The following TP53INP1 variants were observed in gnomAD, a reference collection of about 807,000 sequenced individuals.
TP53INP1 encodes tumor protein p53 inducible nuclear protein 1, also known as tumor protein p53-inducible nuclear protein 1.
A neutral mutation model predicts 21.0 loss-of-function variants in TP53INP1; 12 were observed. That is an observed-to-expected ratio of 0.57 (90% CI 0.37 to 0.93). TP53INP1 has a LOEUF of 0.93. Ranked by LOEUF, TP53INP1 falls within the 40% of genes least tolerant of loss-of-function variation. The pLI is 0.01. For missense variants in TP53INP1, 274 were observed against 294.7 expected (o/e 0.93, Z 0.51); for synonymous variants, 91 against 94.8 (o/e 0.96, Z 0.23).
chr8:94,933,996 G>C (rs1820715335), intron 3 of TP53INP1, among the ~76,000 whole-genome samples: 1 of 151,726 alleles, frequency 6.6e-6, no homozygotes, highest in South Asian at 2.1e-4. Flanking sequence ...AGAATTGCTT[G>C]AACCCGGGAG....
chr8:94,939,799 A>G, intron 3 of TP53INP1, 61 bp downstream of exon 3: 1 of 1,563,066 alleles, frequency 6.4e-7, no homozygotes, highest in Non-Finnish European at 8.7e-7. Flanking sequence ...TTTGAATTAC[A>G]GTAGAGACAA....
chr8:94,930,186 G>T lies in TP53INP1; in HGVS notation c.*293C>A. 1 of 301,072 alleles carries T rather than the reference G, an allele frequency of 3.3e-6. No individual in the cohort carries two copies. Among genetic ancestry groups the T allele is most frequent in the Non-Finnish European group, 6.1e-6 (1 of 162,926 alleles). 18.7% of individuals were successfully genotyped at this position (301,072 alleles called of 1,614,324 possible). A position where few individuals can be genotyped will look rare whatever the true frequency, so the allele number is the denominator to read the frequency against. Reference sequence around the variant, plus strand: ...TGGGAAGAAATGTCTTTAAAATGCTGACTAATGTATAACCTAATATATTTA... The same window carrying T: ...TGGGAAGAAATGTCTTTAAAATGCTTACTAATGTATAACCTAATATATTTA... On this transcript the variant is annotated 3_prime_UTR_variant, in exon 4 of 4. Coordinates refer to ENST00000342697, the MANE Select transcript of TP53INP1 (RefSeq NM_033285.4).
rs966976736 is a variant in TP53INP1, at chr8:94,930,190, A to T, written c.*289T>A. The T allele has an allele frequency of 2.3e-5, 7 of 310,428 alleles. No individual in the cohort carries two copies. The Admixed American group carries it at 2.8e-4, about 12-fold the overall frequency. The allele number at this position is 310,428 out of a possible 1,614,324, so 19.2% of individuals were successfully genotyped here. A position where few individuals can be genotyped will look rare whatever the true frequency, so the allele number is the denominator to read the frequency against. On this transcript the variant is annotated 3_prime_UTR_variant, in exon 4 of 4. Coordinates refer to ENST00000342697, the MANE Select transcript of TP53INP1 (RefSeq NM_033285.4). Reference sequence around the variant, plus strand: ...AAGAAATGTCTTTAAAATGCTGACTAATGTATAACCTAATATATTTAAAGA... The same window carrying T: ...AAGAAATGTCTTTAAAATGCTGACTTATGTATAACCTAATATATTTAAAGA...
chr8:94,943,645 G>T (rs568841391), intron 1 of TP53INP1, among the ~76,000 whole-genome samples: 1 of 152,200 alleles, frequency 6.6e-6, no homozygotes, highest in South Asian at 2.1e-4. Flanking sequence ...AAGTAGTTGG[G>T]ATCTGTAGCT....
At chr8:94,933,658 G>A (rs1009738169) in intron 3 of TP53INP1, among the ~76,000 whole-genome samples, 3 of 151,968 alleles carry the variant, frequency 2.0e-5, no homozygotes, top group East Asian at 1.9e-4. Flanking sequence ...CCAGCTAATC[G>A]GGAGGCTGAG....
rs1309664087 is a variant in TP53INP1 at position 94,930,418 on chromosome 8, T to TA, written c.*60dup. 23 of 1,599,780 alleles carry TA rather than the reference T, an allele frequency of 1.4e-5. No homozygotes were observed. Among genetic ancestry groups the TA allele is most frequent in the Non-Finnish European group, 1.9e-5 (22 of 1,170,744 alleles). ...AGAGACAACATTTTCACTGTACATATACACACATCCATACATGTAAGCACA... is the reference window on the plus strand; with the variant it reads ...AGAGACAACATTTTCACTGTACATATAACACACATCCATACATGTAAGCACA... On this transcript the variant is annotated 3_prime_UTR_variant, in exon 4 of 4. Transcript: ENST00000342697.
chr8:94,938,734 G>C (rs1395726413), intron 3 of TP53INP1, among the ~76,000 whole-genome samples: 1 of 152,216 alleles, frequency 6.6e-6, no homozygotes, highest in African/African-American at 2.4e-5. Context: ...GAGGGCATGG[G>C]CCTTGCCTTA....
At position 94,929,742 on chromosome 8, in the gene TP53INP1, A is replaced by C. The variant is rs1431533286; in HGVS notation, c.*737T>G. The stretch of plus-strand genomic sequence containing the variant: ...GTTACAGACATGAATTTTTCCAAAT[A>C]TAATCTCACAGGTCTAATTTAATCC... On this transcript the variant is annotated 3_prime_UTR_variant, in exon 4 of 4. Coordinates refer to ENST00000342697, the MANE Select transcript of TP53INP1 (RefSeq NM_033285.4). 6.6e-6 allele frequency: 1 copy of C among 152,240 alleles called. No individual in the cohort carries two copies. The highest frequency in any genetic ancestry group is 1.5e-5 in the Non-Finnish European group (1 of 68,046). 9.4% of individuals were successfully genotyped at this position (152,240 alleles called of 1,614,324 possible).
rs754770651 is a variant in TP53INP1, at chr8:94,940,858, A to G, written c.84T>C (p.Asp28=). The change falls in exon 2 of 4, where the codon GAT becomes GAC. Residue 28 remains aspartate (D), a synonymous_variant. Transcript: ENST00000342697. The part of the protein sequence containing the change: ...NQEPEFNEKE[D]DEWILVDFID... ...TGAAGTCAACAAGAATCCATTCATC[A>G]TCTTCTTTCTCATTGAATTCTGGTT... is the stretch of plus-strand genomic sequence containing the variant. The G allele has an allele frequency of 1.2e-6, 2 of 1,613,632 alleles. No individual in the cohort carries two copies. Among genetic ancestry groups the G allele is most frequent in the Non-Finnish European group, 1.7e-6 (2 of 1,179,782 alleles).
At chr8:94,933,943 G>A (rs1489860166) in intron 3 of TP53INP1, among the ~76,000 whole-genome samples, 1 of 149,372 alleles carries the variant, frequency 6.7e-6, no homozygotes, top group African/African-American at 2.5e-5. Context: ...TAGTGGCGGT[G>A]GCACATGCCT....
chr8:94,936,929 G>T (rs1821036395), intron 3 of TP53INP1, among the ~76,000 whole-genome samples: 1 of 152,200 alleles, frequency 6.6e-6, no homozygotes, highest in Admixed American at 6.5e-5. Flanking sequence ...AAAAGAGACA[G>T]ACTACTGATG....
In TP53INP1 at chr8:94,939,856, G is replaced by A. The variant is rs780425599; in HGVS notation, c.473+4C>T. ...CTACAGAGAGTTAAATACTTGTAAC[G>A]TACCTGGGACTACTTGGGCTATGTA... On this transcript the variant is annotated splice_donor_region_variant and intron_variant, in intron 3 of 3. Transcript: ENST00000342697. 1.6e-5 allele frequency: 25 copies of A among 1,608,128 alleles called. No individual in the cohort carries two copies. The African/African-American group carries it at 2.0e-4, about 13-fold the overall frequency.
At chr8:94,933,248 A>C (rs1321266515) in intron 3 of TP53INP1, among the ~76,000 whole-genome samples, 1 of 152,160 alleles carries the variant, frequency 6.6e-6, no homozygotes, top group Non-Finnish European at 1.5e-5. Flanking sequence ...CCTTCCTTTG[A>C]CCCTTTATAT....
In TP53INP1 at chr8:94,939,896, C is replaced by A. The variant is rs532052124; in HGVS notation, c.437G>T (p.Arg146Leu). The A allele has an allele frequency of 5.0e-6, 8 of 1,613,868 alleles. No individual in the cohort carries two copies. In the South Asian group the frequency reaches 7.7e-5, roughly 16 times the overall value. Residue 146 changes from arginine to leucine, a missense_variant, in exon 3 of 4, where the codon CGT (arginine) becomes CTT (leucine). Physicochemically the swap from Arg to Leu is moderately radical, Grantham distance 102 (BLOSUM62 -2). Coordinates refer to ENST00000342697, the MANE Select transcript of TP53INP1 (RefSeq NM_033285.4). ...TGGGCTATGTAATTCATCAGTCCCA[C>A]GGGTGGCCTCACTGAGACCAGGGCA... ...NSCPGLSEAT[R>L]GTDELHSPSS...
At position 94,941,024 on chromosome 8, in the gene TP53INP1, C is replaced by T; in HGVS notation, c.-83G>A. The stretch of plus-strand genomic sequence containing the variant: ...CTTGTCTTTAGTTGGCCCAATGGTA[C>T]CGACAGGAGATTAAAGTGCACAGGG... On this transcript the variant is annotated 5_prime_UTR_variant, in exon 2 of 4. Transcript: ENST00000342697. The T allele has an allele frequency of 1.0e-6, 1 of 987,512 alleles. No homozygotes were observed. 61.2% of individuals were successfully genotyped at this position (987,512 alleles called of 1,614,324 possible).
rs918278533 is a variant in TP53INP1, at chr8:94,927,258, A to G, written c.*3221T>C. On this transcript the variant is annotated 3_prime_UTR_variant, in exon 4 of 4. Transcript: ENST00000342697. Reference sequence around the variant, plus strand: ...TGCTCGTTTTTCTTAAGAGTACATAAAGATAATATATAATGTATTTCATTG... The same window carrying G: ...TGCTCGTTTTTCTTAAGAGTACATAGAGATAATATATAATGTATTTCATTG... 1 of 152,628 alleles carries G rather than the reference A, an allele frequency of 6.6e-6. No homozygotes were observed. The highest frequency in any genetic ancestry group is 1.5e-5 in the Non-Finnish European group (1 of 68,030). 9.5% of individuals were successfully genotyped at this position (152,628 alleles called of 1,614,324 possible). A position where few individuals can be genotyped will look rare whatever the true frequency, so the allele number is the denominator to read the frequency against.
At chr8:94,930,763 CAG>C (rs1269851239) in intron 3 of TP53INP1, 35 bp from the exon 4 acceptor site, 13 of 1,606,064 alleles carry the variant, frequency 8.1e-6, no homozygotes, top group East Asian at 2.2e-5. Context: ...TATTAAATAA[CAG>C]AGTATGTTAT....
Position 94,935,128 on chromosome 8 carries a change from TATAGATAG to T in TP53INP1, c.474-4408_474-4401del, listed in dbSNP as rs56734843. Among the ~76,000 whole-genome samples, 888 of 144,744 alleles carry T rather than the reference TATAGATAG, an allele frequency of 6.1e-3. 10 individuals are homozygous for T. The highest frequency in any genetic ancestry group is 0.035 in the East Asian group (173 of 4,940). 95.0% of individuals were successfully genotyped at this position (144,744 alleles called of 152,430 possible). A position where few individuals can be genotyped will look rare whatever the true frequency, so the allele number is the denominator to read the frequency against. ...GTAGGTAGGTACATAGGTAGATAGATATAGATAGATAGATAGATAGATAGATAGATAGA... is the reference window on the plus strand; with the variant it reads ...GTAGGTAGGTACATAGGTAGATAGATATAGATAGATAGATAGATAGATAGA... On this transcript the variant is annotated intron_variant, in intron 3 of 3. Coordinates refer to ENST00000342697, the MANE Select transcript of TP53INP1 (RefSeq NM_033285.4).
intron 3 of TP53INP1, among the ~76,000 whole-genome samples, chr8:94,932,819 G>A (rs1002732946): frequency 6.6e-5 from 10 of 151,788 alleles, no homozygotes; most frequent in South Asian, 2.1e-4. Context: ...AAAAAAAAAA[G>A]AATTTCAAAT....
Sources: allele counts gnomAD v4.1 joint callset (sites outside exome capture counted in the v4.1 genomes callset), GRCh38; gene constraint gnomAD v4.1.1; transcripts MANE v1.5; gene names NCBI Gene and HGNC (gene_info 2026-07-23, HGNC 2026-07-21).